The following CCSER1 variants were observed in gnomAD, a reference collection of about 807,000 sequenced individuals.
CCSER1 encodes serine-rich coiled-coil domain-containing protein 1.
A neutral mutation model predicts 82.0 loss-of-function variants in CCSER1; 41 were observed. That is an observed-to-expected ratio of 0.50 (90% CI 0.39 to 0.65). The LOEUF is 0.65. Ranked by LOEUF, CCSER1 falls within the 30% of genes least tolerant of loss-of-function variation. The pLI, the probability that CCSER1 is intolerant of heterozygous loss-of-function variation, is 0.00. For missense variants in CCSER1, 1,119 were observed against 1,064.2 expected (o/e 1.05, Z -0.72); for synonymous variants, 414 against 383.9 (o/e 1.08, Z -0.92).
chr4:91,551,329 A>C (rs559144882), intron 10 of CCSER1, among the ~76,000 whole-genome samples: 220 of 152,244 alleles, frequency 1.4e-3, no homozygotes, highest in Non-Finnish European at 2.4e-3. Context: ...TATCTCAATA[A>C]AAACAGTGAG....
intron 9 of CCSER1, among the ~76,000 whole-genome samples, chr4:91,054,075 G>A (rs1743229561): frequency 6.6e-6 from 1 of 152,156 alleles, no homozygotes; most frequent in South Asian, 2.1e-4. Flanking sequence ...GGTTATAGGG[G>A]GGCTTGTAGG....
chr4:90,729,842 C>T (rs1468247497), intron 7 of CCSER1, among the ~76,000 whole-genome samples: 2 of 151,962 alleles, frequency 1.3e-5, no homozygotes, highest in South Asian at 4.2e-4. Flanking sequence ...CACCACTGCA[C>T]TCCAGCCTGG....
At chr4:91,214,509 C>A (rs1018891639) in intron 10 of CCSER1, among the ~76,000 whole-genome samples, 3 of 152,104 alleles carry the variant, frequency 2.0e-5, no homozygotes, top group African/African-American at 7.2e-5. Flanking sequence ...ACTTAAAATT[C>A]TTTTATTTCT....
intron 4 of CCSER1, among the ~76,000 whole-genome samples, chr4:90,423,631 T>C (rs997015252): frequency 6.6e-6 from 1 of 152,116 alleles, no homozygotes; most frequent in African/African-American, 2.4e-5. Context: ...AGAGCCACTA[T>C]GCCCGGCTAA....
intron 7 of CCSER1, among the ~76,000 whole-genome samples, chr4:90,784,168 G>A (rs1400690569): frequency 6.6e-6 from 1 of 152,146 alleles, no homozygotes; most frequent in African/African-American, 2.4e-5. Flanking sequence ...CTTTCCTTAT[G>A]TAGTAGCATT....
chr4:91,123,673 T>C (rs1032452414), intron 10 of CCSER1, among the ~76,000 whole-genome samples: 7 of 151,798 alleles, frequency 4.6e-5, no homozygotes, highest in African/African-American at 1.7e-4. Flanking sequence ...ATAGAGACTT[T>C]CTTTTAGAAC....
chr4:90,668,191 A>C (rs1381349894), intron 6 of CCSER1, among the ~76,000 whole-genome samples: 1 of 152,180 alleles, frequency 6.6e-6, no homozygotes, highest in Non-Finnish European at 1.5e-5. Flanking sequence ...GTCGCTAAAA[A>C]CAGAGGAGGT....
At chr4:91,207,158 G>A (rs1046754606) in intron 10 of CCSER1, among the ~76,000 whole-genome samples, 18 of 151,792 alleles carry the variant, frequency 1.2e-4, no homozygotes, top group African/African-American at 4.1e-4. Context: ...AAGAAGGTGA[G>A]ACAGCATTGA....
intron 1 of CCSER1, among the ~76,000 whole-genome samples, chr4:90,141,901 A>C (rs183326168): frequency 7.2e-5 from 11 of 152,216 alleles, no homozygotes; most frequent in African/African-American, 2.7e-4. Flanking sequence ...CTATGCATAC[A>C]TTTATTTTAG....
chr4:90,720,992 G>T (rs1044972501), intron 6 of CCSER1, among the ~76,000 whole-genome samples: 1 of 151,874 alleles, frequency 6.6e-6, no homozygotes, highest in Admixed American at 6.6e-5. Context: ...AAATGAAAGA[G>T]TTTTTTAATA....
chr4:90,509,501 A>G (rs1460689439), intron 5 of CCSER1, among the ~76,000 whole-genome samples: 5 of 152,184 alleles, frequency 3.3e-5, no homozygotes, highest in African/African-American at 4.8e-5. Flanking sequence ...TTCTACCACT[A>G]CAATTGCAAT....
intron 1 of CCSER1, among the ~76,000 whole-genome samples, chr4:90,206,064 T>G (rs1738760757): frequency 6.6e-6 from 1 of 150,826 alleles, no homozygotes; most frequent in South Asian, 2.1e-4. Context: ...CATTTTTTAT[T>G]GTGTCTATTT....
chr4:91,285,177 C>T (rs1743188076), intron 10 of CCSER1, among the ~76,000 whole-genome samples: 1 of 150,550 alleles, frequency 6.6e-6, no homozygotes, highest in South Asian at 2.1e-4. Flanking sequence ...AAAGATATGG[C>T]TTCTTAAATA....
At chr4:90,477,379 G>A (rs1288407588) in intron 5 of CCSER1, among the ~76,000 whole-genome samples, 1 of 152,080 alleles carries the variant, frequency 6.6e-6, no homozygotes, top group African/African-American at 2.4e-5. Context: ...AAAGACAATA[G>A]CACCTGCTTT....
chr4:91,538,696 C>CTCATATATTATATATATATATATAATAT (rs1761424532), intron 10 of CCSER1, among the ~76,000 whole-genome samples: 1 of 21,292 alleles, frequency 4.7e-5, no homozygotes, highest in African/African-American at 4.5e-4. Flanking sequence ...ATTATATATA[C>CTCATATATTATATATATATATATAATAT]ACATATATAT....
At chr4:90,871,375 T>A (rs1452185923) in intron 8 of CCSER1, among the ~76,000 whole-genome samples, 1 of 151,792 alleles carries the variant, frequency 6.6e-6, no homozygotes, top group African/African-American at 2.4e-5. Flanking sequence ...TTGATCCATG[T>A]TCATCTGTTT....
intron 1 of CCSER1, among the ~76,000 whole-genome samples, chr4:90,163,583 A>G (rs868294723): frequency 2.6e-5 from 4 of 152,236 alleles, no homozygotes; most frequent in Middle Eastern, 6.8e-3. Context: ...TGCTTAAAAC[A>G]TTTTTAGATT....
chr4:91,558,118 T>G (rs115203468), intron 10 of CCSER1, among the ~76,000 whole-genome samples: 10,414 of 150,986 alleles, frequency 0.069, 542 homozygotes, highest in South Asian at 0.16. Flanking sequence ...AAAATATATT[T>G]CATTATTTTT....
chr4:91,341,970 A>G (rs1022006452), intron 10 of CCSER1, among the ~76,000 whole-genome samples: 1 of 152,214 alleles, frequency 6.6e-6, no homozygotes, highest in Admixed American at 6.5e-5. Flanking sequence ...AATTGCTGTT[A>G]TATATAAAGT....
Sources: gnomAD v4.1 joint callset for allele counts (sites outside exome capture counted in the v4.1 genomes callset) on GRCh38, gnomAD v4.1.1 for gene constraint, MANE v1.5 for transcripts, NCBI Gene and HGNC (gene_info 2026-07-23, HGNC 2026-07-21) for gene names.